The following MOB1A variants were observed in gnomAD, a reference collection of about 807,000 sequenced individuals.
MOB1A encodes MOB1 Mps One Binder homolog A.
Under a neutral mutation model 25.1 loss-of-function variants are expected in MOB1A, and 10 were observed. The observed-to-expected ratio is 0.40, with a 90% CI of 0.25 to 0.68. MOB1A has a LOEUF of 0.68. Among genes scored for constraint, MOB1A ranks in the 30% least tolerant of loss-of-function variants. MOB1A has a pLI of 0.40. For missense variants in MOB1A, 177 were observed against 256.3 expected, an observed-to-expected ratio of 0.69 and a Z score of 2.11; for synonymous variants, 81 against 79.5, an observed-to-expected ratio of 1.02 and a Z score of -0.10.
chr2:74,171,810 G>A (rs1346685328), intron 2 of MOB1A, among the ~76,000 whole-genome samples: 2 of 152,104 alleles, frequency 1.3e-5, no homozygotes, highest in African/African-American at 4.8e-5. Flanking sequence ...GACTGAGACA[G>A]GAGAATGGCT....
chr2:74,164,340 G>A (rs1350888424), intron 4 of MOB1A: 1 of 152,182 alleles, frequency 6.6e-6, no homozygotes, highest in African/African-American at 2.4e-5. Context: ...CCAACATGGT[G>A]AAACCCCATC....
intron 3 of MOB1A, among the ~76,000 whole-genome samples, chr2:74,166,116 AAAAG>A (rs1693122588): frequency 6.6e-6 from 1 of 152,042 alleles, no homozygotes; most frequent in Non-Finnish European, 1.5e-5. Flanking sequence ...TAAGAAAAAA[AAAAG>A]AAACTGGAAG....
At chr2:74,174,163 C>T (rs573815380) in intron 1 of MOB1A, among the ~76,000 whole-genome samples, 2 of 149,314 alleles carry the variant, frequency 1.3e-5, no homozygotes, top group South Asian at 2.1e-4. Context: ...CCCAGCTACT[C>T]GGGAAGCTGA....
rs181046606 is a variant in MOB1A at position 74,167,644 on chromosome 2, G to C, written c.182-537C>G. On this transcript the variant is annotated intron_variant, in intron 2 of 5. Transcript: ENST00000396049. ...GACCAGATAATACCATTTGTGTTAG[G>C]AAAGAGACAAAACATGTTGTGGAAT... 3.9e-5 allele frequency among the ~76,000 whole-genome samples: 6 copies of C among 152,290 alleles called. No homozygotes were observed. In the East Asian group the frequency reaches 1.2e-3, roughly 29 times the overall value.
chr2:74,167,947 G>A (rs1232772965), intron 2 of MOB1A, among the ~76,000 whole-genome samples: 1 of 152,032 alleles, frequency 6.6e-6, no homozygotes, highest in Non-Finnish European at 1.5e-5. Context: ...GACCAGCCTA[G>A]GCAACAGAGT....
chr2:74,178,624 C>T, intron 1 of MOB1A, 37 bp downstream of exon 1: 1 of 1,377,046 alleles, frequency 7.3e-7, no homozygotes, highest in Non-Finnish European at 9.5e-7. Flanking sequence ...ACAACCTCGG[C>T]CCGCAGGCCC....
chr2:74,160,074 C>T (rs952918227), intron 4 of MOB1A, among the ~76,000 whole-genome samples: 1 of 152,120 alleles, frequency 6.6e-6, no homozygotes, highest in Non-Finnish European at 1.5e-5. Context: ...GCCTTGGCTT[C>T]CCAAAGTACT....
In MOB1A at chr2:74,156,343, C is replaced by T. The variant is rs1692805385; in HGVS notation, c.*225G>A. On this transcript the variant is annotated 3_prime_UTR_variant, in exon 6 of 6. Transcript: ENST00000396049. ...ACCAAGTATGACTATGTGATAACAA[C>T]AAGAGTGGTCACACAGTACTTAAGA... 3.8e-6 allele frequency: 2 copies of T among 523,380 alleles called. No individual in the cohort carries two copies. Among genetic ancestry groups the T allele is most frequent in the South Asian group, 2.4e-5 (1 of 42,264 alleles). 32.4% of individuals were successfully genotyped at this position (523,380 alleles called of 1,614,324 possible).
In MOB1A at chr2:74,178,706, CT is replaced by C; in HGVS notation, c.-33del. On this transcript the variant is annotated 5_prime_UTR_variant, in exon 1 of 6. Coordinates refer to ENST00000396049, the MANE Select transcript of MOB1A (RefSeq NM_018221.5). ...TCCTCAGAGGGGAGGCGAGGGGCCC[CT>C]GGCCCCCGCCTGGATCAGGATTCGG... 7.9e-7 allele frequency: 1 copy of C among 1,270,828 alleles called. No individual in the cohort carries two copies. The highest frequency in any genetic ancestry group is 2.4e-5 in the South Asian group (1 of 41,704). 78.7% of individuals were successfully genotyped at this position (1,270,828 alleles called of 1,614,324 possible).
chr2:74,178,691 G>T lies in MOB1A; in HGVS notation c.-17C>A, dbSNP rs542158538. ...GAAGCTCATCTTCGGTCCTCAGAGG[G>T]GAGGCGAGGGGCCCCTGGCCCCCGC... On this transcript the variant is annotated 5_prime_UTR_variant, in exon 1 of 6. Transcript: ENST00000396049. 2 of 1,318,372 alleles carry T rather than the reference G, an allele frequency of 1.5e-6. No individual in the cohort carries two copies. The highest frequency in any genetic ancestry group is 3.0e-5 in the East Asian group (1 of 33,018). 81.7% of individuals were successfully genotyped at this position (1,318,372 alleles called of 1,614,324 possible).
chr2:74,171,730 T>C (rs944518712), intron 2 of MOB1A, among the ~76,000 whole-genome samples: 1 of 152,068 alleles, frequency 6.6e-6, no homozygotes, highest in African/African-American at 2.4e-5. Flanking sequence ...TGGTGAAACC[T>C]TGTCTCTACT....
chr2:74,169,047 C>T (rs546886699), intron 2 of MOB1A, among the ~76,000 whole-genome samples: 20 of 152,044 alleles, frequency 1.3e-4, no homozygotes, highest in Admixed American at 8.5e-4. Context: ...AATACAGAAA[C>T]GGATATAAGA....
intron 1 of MOB1A, chr2:74,173,164 T>C: frequency 1.9e-6 from 1 of 516,522 alleles, no homozygotes; most frequent in South Asian, 1.4e-5. Context: ...CTCTGAAAAA[T>C]GCCAAGATAG....
At chr2:74,158,037 G>C (rs528693367) in intron 5 of MOB1A, among the ~76,000 whole-genome samples, 6 of 151,898 alleles carry the variant, frequency 4.0e-5, no homozygotes, top group Admixed American at 3.9e-4. Flanking sequence ...AAAATTAGCC[G>C]GGCGTGGTGG....
intron 4 of MOB1A, among the ~76,000 whole-genome samples, chr2:74,162,686 C>T (rs1693007436): frequency 6.6e-6 from 1 of 152,020 alleles, no homozygotes; most frequent in Admixed American, 6.6e-5. Context: ...AATGGAAAAA[C>T]TGACCAACAA....
intron 2 of MOB1A, among the ~76,000 whole-genome samples, chr2:74,168,169 G>A (rs1040707756): frequency 6.6e-6 from 1 of 152,098 alleles, no homozygotes; most frequent in Non-Finnish European, 1.5e-5. Flanking sequence ...CAAGATATAA[G>A]AAGACAGGAT....
At chr2:74,176,939 A>G (rs1422468719) in intron 1 of MOB1A, among the ~76,000 whole-genome samples, 1 of 152,158 alleles carries the variant, frequency 6.6e-6, no homozygotes, top group Non-Finnish European at 1.5e-5. Context: ...GTATATACCC[A>G]AGAGATATGA....
Position 74,178,834 on chromosome 2 carries a change from C to G in MOB1A, c.-160G>C, listed in dbSNP as rs1693557116. ...CTGGCCGCTGCGAGCCTTTGCAAAC[C>G]TCGGCGCCCGCCTTGCCCGCCTACC... On this transcript the variant is annotated 5_prime_UTR_variant, in exon 1 of 6. Coordinates refer to ENST00000396049, the MANE Select transcript of MOB1A (RefSeq NM_018221.5). 2.4e-6 allele frequency: 1 copy of G among 424,370 alleles called. No individual in the cohort carries two copies. The allele number at this position is 424,370 out of a possible 1,614,324, so 26.3% of individuals were successfully genotyped here. A position where few individuals can be genotyped will look rare whatever the true frequency, so the allele number is the denominator to read the frequency against.
intron 5 of MOB1A, among the ~76,000 whole-genome samples, chr2:74,158,161 C>A (rs1425498922): frequency 8.4e-6 from 1 of 119,236 alleles, no homozygotes; most frequent in Non-Finnish European, 1.6e-5. Flanking sequence ...GTCTGGGCGA[C>A]AGAGCAAGAC....
Sources: gnomAD v4.1 joint callset for allele counts (sites outside exome capture counted in the v4.1 genomes callset) on GRCh38, gnomAD v4.1.1 for gene constraint, MANE v1.5 for transcripts, NCBI Gene and HGNC (gene_info 2026-07-23, HGNC 2026-07-21) for gene names.